Variants in RAP1A observed in about 807,000 individuals in gnomAD.
The protein encoded by RAP1A is RAP1A, member of RAS oncogene family.
A neutral mutation model predicts 26.4 loss-of-function variants in RAP1A; 6 were observed. The ratio of observed to expected loss-of-function variants is 0.23; its 90% CI spans 0.12 to 0.45. The LOEUF is 0.45. Among genes scored for constraint, RAP1A ranks in the 20% least tolerant of loss-of-function variants. RAP1A has a pLI of 0.99. For missense variants in RAP1A, 121 were observed against 217.2 expected (o/e 0.56, Z 2.78); for synonymous variants, 73 against 79.4 (o/e 0.92, Z 0.43).
intron 1 of RAP1A, among the ~76,000 whole-genome samples, chr1:111,572,003 A>T (rs1194667526): frequency 4.3e-5 from 5 of 116,336 alleles, no homozygotes; most frequent in Middle Eastern, 4.2e-3. Flanking sequence ...CAGGGGCTGC[A>T]GCACAGTGCC....
chr1:111,647,710 CT>C (rs58515698), intron 1 of RAP1A, among the ~76,000 whole-genome samples: 8,527 of 144,082 alleles, frequency 0.059, 736 homozygotes, highest in African/African-American at 0.2. Context: ...GGCTCTAGAT[CT>C]TTTTTTTTTT....
At chr1:111,606,638 A>T (rs1341782396) in intron 1 of RAP1A, among the ~76,000 whole-genome samples, 2 of 152,032 alleles carry the variant, frequency 1.3e-5, no homozygotes, top group Admixed American at 1.3e-4. Flanking sequence ...TCCCACCACC[A>T]CACTCCTACT....
chr1:111,703,277 G>A, intron 4 of RAP1A, 59 bp from the exon 5 acceptor site: 1 of 1,150,750 alleles, frequency 8.7e-7, no homozygotes. Flanking sequence ...GTTTTAAATT[G>A]TTGCAGTATA....
chr1:111,633,367 G>A (rs1659631284), intron 1 of RAP1A, among the ~76,000 whole-genome samples: 1 of 152,160 alleles, frequency 6.6e-6, no homozygotes, highest in Non-Finnish European at 1.5e-5. Flanking sequence ...CATATAAAGT[G>A]CAAGTATCAA....
intron 1 of RAP1A, among the ~76,000 whole-genome samples, chr1:111,607,811 CG>C (rs1658825188): frequency 7.9e-6 from 1 of 126,446 alleles, no homozygotes; most frequent in South Asian, 2.4e-4. Context: ...GCTGGCCGGG[CG>C]GGGGGCTGAC....
At chr1:111,609,367 C>T (rs954297520) in intron 1 of RAP1A, among the ~76,000 whole-genome samples, 9 of 152,070 alleles carry the variant, frequency 5.9e-5, no homozygotes, top group Admixed American at 5.2e-4. Flanking sequence ...ATCAAAAGCC[C>T]ACTTCTTTGG....
At chr1:111,645,314 G>T (rs2101125162) in intron 1 of RAP1A, among the ~76,000 whole-genome samples, 1 of 152,228 alleles carries the variant, frequency 6.6e-6, no homozygotes, top group South Asian at 2.1e-4. Context: ...CTTTGAGTGG[G>T]ACTTTAGGAA....
Position 111,716,558 on chromosome 1 carries a change from C to A in RAP1A, c.*4157C>A, listed in dbSNP as rs976421957. On this transcript the variant is annotated 3_prime_UTR_variant, in exon 8 of 8. Coordinates refer to ENST00000369709, the MANE Select transcript of RAP1A (RefSeq NM_002884.4). ...TTGGGGATGATGTATGTTCGTTGGG[C>A]ATGCTGAGAAGCGGCCTCCTGTGGT... The A allele has an allele frequency of 2.0e-5, 3 of 152,196 alleles. No individual in the cohort carries two copies. Among genetic ancestry groups the A allele is most frequent in the African/African-American group, 7.2e-5 (3 of 41,440 alleles). The allele number at this position is 152,196 out of a possible 1,614,324, so 9.4% of individuals were successfully genotyped here. A position where few individuals can be genotyped will look rare whatever the true frequency, so the allele number is the denominator to read the frequency against.
chr1:111,614,112 C>T (rs1658975310), intron 1 of RAP1A, among the ~76,000 whole-genome samples: 1 of 152,244 alleles, frequency 6.6e-6, no homozygotes, highest in Non-Finnish European at 1.5e-5. Flanking sequence ...AATACCCAAA[C>T]ATCTGGGTAC....
chr1:111,691,239 A>G (rs973105249), intron 1 of RAP1A, 95 bp from the exon 2 acceptor site: 1 of 811,738 alleles, frequency 1.2e-6, no homozygotes, highest in Non-Finnish European at 1.8e-6. Context: ...TTACAAGGAA[A>G]AAAACAAAAC....
intron 1 of RAP1A, among the ~76,000 whole-genome samples, chr1:111,676,221 T>C (rs1661118861): frequency 6.6e-6 from 1 of 151,848 alleles, no homozygotes; most frequent in African/African-American, 2.4e-5. Flanking sequence ...CCAGGCATGG[T>C]GGTGGGCGCC....
intron 1 of RAP1A, among the ~76,000 whole-genome samples, chr1:111,671,809 A>G (rs940610713): frequency 2.6e-5 from 4 of 152,330 alleles, no homozygotes; most frequent in Non-Finnish European, 5.9e-5. Context: ...CATTTTAATT[A>G]TTATTTAGTT....
chr1:111,687,017 A>G (rs781012265), intron 1 of RAP1A, among the ~76,000 whole-genome samples: 2 of 152,100 alleles, frequency 1.3e-5, no homozygotes, highest in Non-Finnish European at 2.9e-5. Context: ...TTGAAGCAAC[A>G]TATAGTTAGG....
intron 1 of RAP1A, among the ~76,000 whole-genome samples, chr1:111,677,968 G>A (rs923788723): frequency 2.0e-5 from 3 of 152,130 alleles, no homozygotes; most frequent in Admixed American, 6.5e-5. Context: ...GTGTTGCTGT[G>A]TTTCGACTTC....
chr1:111,691,010 G>A (rs548435040), intron 1 of RAP1A, among the ~76,000 whole-genome samples: 1 of 152,298 alleles, frequency 6.6e-6, no homozygotes, highest in Admixed American at 6.5e-5. Context: ...TGATAGCTTT[G>A]CAAAGAATTG....
intron 1 of RAP1A, among the ~76,000 whole-genome samples, chr1:111,566,360 G>T (rs1657918258): frequency 1.3e-5 from 2 of 152,154 alleles, no homozygotes; most frequent in East Asian, 3.9e-4. Flanking sequence ...ACTTGTCATT[G>T]GATAGGTATG....
At position 111,703,615 on chromosome 1, in the gene RAP1A, A is replaced by G. The variant is rs935137949; in HGVS notation, c.324+139A>G. The G allele has an allele frequency of 5.1e-6, 4 of 784,766 alleles. No individual in the cohort carries two copies. In the African/African-American group the frequency reaches 7.1e-5, roughly 14 times the overall value. The allele number at this position is 784,766 out of a possible 1,614,324, so 48.6% of individuals were successfully genotyped here. On this transcript the variant is annotated intron_variant, in intron 5 of 7. Coordinates refer to ENST00000369709, the MANE Select transcript of RAP1A (RefSeq NM_002884.4). The stretch of plus-strand genomic sequence containing the variant: ...AGAGCCCCTGTGACCAAAAGAAAAA[A>G]ATTTAACTTTCAAAATTAACCTCAA...
intron 1 of RAP1A, chr1:111,648,295 C>A: frequency 9.9e-7 from 1 of 1,006,002 alleles, no homozygotes; most frequent in South Asian, 1.3e-5. Context: ...GCTTAATTCT[C>A]AGAACTTTGG....
Position 111,691,462 on chromosome 1 carries a change from G to T in RAP1A, c.57+45G>T, listed in dbSNP as rs10489469. ...GTAACTGATTAATATAATACAAGAAGAATTTTGACATTTCCTTGCTTTCAG... is the reference window on the plus strand; with the variant it reads ...GTAACTGATTAATATAATACAAGAATAATTTTGACATTTCCTTGCTTTCAG... On this transcript the variant is annotated intron_variant, in intron 2 of 7. Transcript: ENST00000369709. The T allele has an allele frequency of 0.16, 238,107 of 1,530,982 alleles. 19,736 individuals are homozygous for T. Among genetic ancestry groups the T allele is most frequent in the South Asian group, 0.17 (15,153 of 88,192 alleles). 94.8% of individuals were successfully genotyped at this position (1,530,982 alleles called of 1,614,324 possible).
Sources: gnomAD v4.1 joint callset for allele counts (sites outside exome capture counted in the v4.1 genomes callset) on GRCh38, gnomAD v4.1.1 for gene constraint, MANE v1.5 for transcripts, NCBI Gene and HGNC (gene_info 2026-07-23, HGNC 2026-07-21) for gene names.